ERG: variants seen among roughly 807,000 people sequenced by gnomAD.
ERG encodes the protein transcriptional regulator ERG.
ERG carries 9 observed loss-of-function variants against 55.3 expected under a neutral mutation model. The observed-to-expected ratio is 0.16, with a 90% CI of 0.10 to 0.28. The LOEUF is 0.28. Ranked by LOEUF, ERG falls within the 10% of genes least tolerant of loss-of-function variation. The pLI, the probability that ERG is intolerant of heterozygous loss-of-function variation, is 1.00. For synonymous variants in ERG, 223 were observed against 237.3 expected, an observed-to-expected ratio of 0.94 and a Z score of 0.55; for missense variants, 434 against 631.6, an observed-to-expected ratio of 0.69 and a Z score of 3.35.
rs947531886 is a variant in ERG at position 38,383,284 on chromosome 21, C to A, written c.*119G>T. ...TGGATCTCTTCCCCGGCTTCCTTCC[C>A]CAGCCCCAGTAAAGCTTTTTTCATT... On this transcript the variant is annotated 3_prime_UTR_variant, in exon 10 of 10. Transcript: ENST00000288319. This position sits in a 1 kb window ranked among gnomAD's most constrained non-coding sequence, Gnocchi z 5.7. 15 of 1,336,766 alleles carry A rather than the reference C, an allele frequency of 1.1e-5. No homozygotes were observed. The highest frequency in any genetic ancestry group is 1.4e-5 in the Non-Finnish European group (15 of 1,041,120). 82.8% of individuals were successfully genotyped at this position (1,336,766 alleles called of 1,614,324 possible).
intron 1 of ERG, among the ~76,000 whole-genome samples, chr21:38,473,153 T>C (rs2059155479): frequency 1.0e-5 from 1 of 96,502 alleles, no homozygotes; most frequent in South Asian, 3.3e-4. Context: ...AAATGGAGGA[T>C]GCGCTCAAAA....
intron 1 of ERG, among the ~76,000 whole-genome samples, chr21:38,453,646 G>C (rs1255368813): frequency 6.6e-6 from 1 of 152,144 alleles, no homozygotes; most frequent in Non-Finnish European, 1.5e-5. Flanking sequence ...ATTTTGGCAG[G>C]CCGAGGCAGG....
In ERG at chr21:38,403,620, A is replaced by G. The variant is rs1288354400; in HGVS notation, c.478T>C (p.Phe160Leu). 6.2e-7 allele frequency: 1 copy of G among 1,614,172 alleles called. No homozygotes were observed. The highest frequency in any genetic ancestry group is 2.2e-5 in the East Asian group (1 of 44,884). ...AGTTCCTTCCCATCGATGTTCTGGA[A>G]TAACAAGATGTTGACGTCTGGAAGG... ...YGLPDVNILLFQNIDGKELCK... is the reference protein window; with the variant it reads ...YGLPDVNILLLQNIDGKELCK... Residue 160 changes from phenylalanine (F) to leucine (L), a missense_variant, in exon 4 of 10, where the codon TTC becomes CTC. By Grantham distance (22) the Phe-to-Leu change is conservative. Transcript: ENST00000288319.
In ERG at chr21:38,592,543, G is replaced by C. The variant is rs370966217; in HGVS notation, c.-149-7598C>G. ...CTAAACCTGGTTAATAGCCCAAAAT[G>C]TGGGCTGCTTATTGTCATCTCCCTT... On this transcript the variant is annotated intron_variant, in intron 1 of 10. Transcript: ENST00000398910. Among the ~76,000 whole-genome samples the C allele has an allele frequency of 2.6e-5, 4 of 151,082 alleles. No individual in the cohort carries two copies. The East Asian group carries it at 7.8e-4, about 30-fold the overall frequency.
intron 1 of ERG, among the ~76,000 whole-genome samples, chr21:38,455,820 G>A (rs2058982835): frequency 6.6e-6 from 1 of 152,050 alleles, no homozygotes; most frequent in East Asian, 1.9e-4. Flanking sequence ...CGGGGGTGAG[G>A]GGGTGGGGGT....
chr21:38,506,596 G>A (rs1272007230), intron 2 of ERG, among the ~76,000 whole-genome samples: 1 of 151,992 alleles, frequency 6.6e-6, no homozygotes, highest in Non-Finnish European at 1.5e-5. Flanking sequence ...TGACTTTTTG[G>A]TCATCCAAAC....
chr21:38,400,349 G>T, intron 6 of ERG: 1 of 643,012 alleles, frequency 1.6e-6, no homozygotes, highest in South Asian at 1.5e-5. Context: ...TTTCTGAAAA[G>T]CTAGTTAAAG....
intron 1 of ERG, among the ~76,000 whole-genome samples, chr21:38,657,694 C>T (rs1033806983): frequency 6.6e-6 from 1 of 152,202 alleles, no homozygotes; most frequent in Admixed American, 6.5e-5. Flanking sequence ...AAAACTCCCG[C>T]TGTTGTTTAT....
intron 1 of ERG, among the ~76,000 whole-genome samples, chr21:38,469,586 C>T (rs1160862150): frequency 6.6e-6 from 1 of 152,126 alleles, no homozygotes; most frequent in Admixed American, 6.6e-5. Flanking sequence ...TCCTTTCAGG[C>T]AATATTAATT....
chr21:38,618,814 T>C (rs1181916259), intron 1 of ERG, among the ~76,000 whole-genome samples: 1 of 152,184 alleles, frequency 6.6e-6, no homozygotes, highest in Non-Finnish European at 1.5e-5. Context: ...GTGACATTGC[T>C]CAAGTGACAA....
At chr21:38,549,822 G>A (rs769005323) in intron 2 of ERG, among the ~76,000 whole-genome samples, 54 of 152,096 alleles carry the variant, frequency 3.6e-4, no homozygotes, top group Non-Finnish European at 4.0e-4. Flanking sequence ...AACCTGGGGC[G>A]GTGAGAGTGA....
At chr21:38,444,646 T>C (rs767996730) in intron 2 of ERG, among the ~76,000 whole-genome samples, 1 of 151,810 alleles carries the variant, frequency 6.6e-6, no homozygotes, top group East Asian at 1.9e-4. Context: ...TACGTGACAG[T>C]TGTATGTTCA....
chr21:38,400,510 C>A (rs767215354), intron 6 of ERG, 64 bp downstream of exon 6: 1 of 1,299,966 alleles, frequency 7.7e-7, no homozygotes, highest in Non-Finnish European at 1.1e-6. Context: ...ACTTAGGGCA[C>A]GGATCTCAGC....
At chr21:38,616,225 A>T (rs565571392) in intron 1 of ERG, among the ~76,000 whole-genome samples, 31 of 152,112 alleles carry the variant, frequency 2.0e-4, no homozygotes, top group Non-Finnish European at 3.7e-4. Context: ...CTCCCCAGCC[A>T]TGCATAGCTG....
rs114330557 is a variant in ERG at position 38,506,684 on chromosome 21, T to C, written c.-41+68978A>G. On this transcript the variant is annotated intron_variant, in intron 2 of 8. Transcript: ENST00000398897. ...CTGCCTTTGCTTCTACTTAAAAATA[T>C]CTGCAGTATTTCCTTTTCTCGCCGC... Among the ~76,000 whole-genome samples, 619 of 152,296 alleles carry C rather than the reference T, an allele frequency of 4.1e-3. 7 individuals are homozygous for C. The highest frequency in any genetic ancestry group is 0.014 in the African/African-American group (564 of 41,552).
chr21:38,373,326 A>C, the ERG span, among the ~76,000 whole-genome samples: 1 of 152,180 alleles, frequency 6.6e-6, no homozygotes, highest in African/African-American at 2.4e-5. Flanking sequence ...TTTTGTTTTC[A>C]AAAATTTCCC....
At chr21:38,473,477 A>T (rs1293315386) in intron 1 of ERG, among the ~76,000 whole-genome samples, 1 of 151,982 alleles carries the variant, frequency 6.6e-6, no homozygotes, top group Non-Finnish European at 1.5e-5. Flanking sequence ...TAAATAAGAA[A>T]AAAATAATTA....
In ERG at chr21:38,380,970, A is replaced by G. The variant is rs1987404825; in HGVS notation, c.*2433T>C. ...CTTTTCCATTAGCACAGTTTGGGTC[A>G]GCCTAACTGCCAGCTTTCATGATTG... is the stretch of plus-strand genomic sequence containing the variant. On this transcript the variant is annotated 3_prime_UTR_variant, in exon 10 of 10. Coordinates refer to ENST00000288319, the MANE Select transcript of ERG (RefSeq NM_182918.4). 7 of 1,064,946 alleles carry G rather than the reference A, an allele frequency of 6.6e-6. No homozygotes were observed. Among genetic ancestry groups the G allele is most frequent in the Non-Finnish European group, 8.0e-6 (7 of 879,058 alleles). The allele number at this position is 1,064,946 out of a possible 1,614,324, so 66.0% of individuals were successfully genotyped here.
chr21:38,410,764 C>T (rs1179856579), intron 3 of ERG, among the ~76,000 whole-genome samples: 1 of 152,152 alleles, frequency 6.6e-6, no homozygotes, highest in African/African-American at 2.4e-5. Context: ...CACAGGCAAA[C>T]ATCTTCTTTC....
Sources: gnomAD v4.1 joint callset for allele counts (sites outside exome capture counted in the v4.1 genomes callset) on GRCh38, gnomAD v4.1.1 for gene constraint, Gnocchi (gnomAD v3.1) non-coding constraint, MANE v1.5 for transcripts, NCBI Gene and HGNC (gene_info 2026-07-23, HGNC 2026-07-21) for gene names.